TANC2: variants seen among roughly 807,000 people sequenced by gnomAD.
The protein encoded by TANC2 is protein TANC2.
A neutral mutation model predicts 210.5 loss-of-function variants in TANC2; 26 were observed. The observed-to-expected ratio is 0.12, with a 90% CI of 0.09 to 0.17. The LOEUF (loss-of-function observed/expected upper bound fraction) is 0.17, where lower values mean the gene tolerates loss of function less well. Among genes scored for constraint, TANC2 ranks in the 10% least tolerant of loss-of-function variants. The pLI is 1.00. For missense variants in TANC2, 2,129 were observed against 2,608.9 expected (o/e 0.82, Z 4.01); for synonymous variants, 931 against 967.1 (o/e 0.96, Z 0.69).
At chr17:63,253,947 G>T (rs1357626155) in intron 8 of TANC2, among the ~76,000 whole-genome samples, 1 of 151,974 alleles carries the variant, frequency 6.6e-6, no homozygotes, top group Non-Finnish European at 1.5e-5. Flanking sequence ...TGTGCCTGCT[G>T]CTTGGGATGG....
intron 15 of TANC2, among the ~76,000 whole-genome samples, chr17:63,386,695 C>A (rs542664916): frequency 7.9e-5 from 12 of 151,834 alleles, no homozygotes; most frequent in African/African-American, 2.9e-4. Flanking sequence ...ATAATAAACA[C>A]TAATGTGTTA....
chr17:63,362,477 C>T (rs1418233215), intron 14 of TANC2, among the ~76,000 whole-genome samples: 2 of 152,202 alleles, frequency 1.3e-5, no homozygotes, highest in African/African-American at 4.8e-5. Context: ...CTCCTGCCAC[C>T]ATCAATCATG....
At chr17:63,048,459 C>T (rs1053384680) in intron 2 of TANC2, among the ~76,000 whole-genome samples, 4 of 151,994 alleles carry the variant, frequency 2.6e-5, no homozygotes, top group Non-Finnish European at 4.4e-5. Context: ...GTCTTTAATC[C>T]ATCTTGATTT....
At chr17:63,077,790 G>A (rs2036624174) in intron 3 of TANC2, among the ~76,000 whole-genome samples, 1 of 152,122 alleles carries the variant, frequency 6.6e-6, no homozygotes, top group South Asian at 2.1e-4. Context: ...ACTTAATTAT[G>A]TGGTACAAAT....
At chr17:63,193,789 T>C (rs1293019391) in intron 5 of TANC2, 2 of 514,636 alleles carry the variant, frequency 3.9e-6, no homozygotes, top group East Asian at 7.1e-5. Flanking sequence ...CCTGGCTCAT[T>C]TTTATTTGAT....
At chr17:63,311,775 A>G (rs1228749367) in intron 9 of TANC2, among the ~76,000 whole-genome samples, 1 of 152,276 alleles carries the variant, frequency 6.6e-6, no homozygotes, top group Non-Finnish European at 1.5e-5. Context: ...TATCCATACA[A>G]TGGAATATTA....
At chr17:62,971,416 G>A (rs1017340412) in intron 1 of TANC2, among the ~76,000 whole-genome samples, 8 of 152,134 alleles carry the variant, frequency 5.3e-5, no homozygotes, top group African/African-American at 1.2e-4. Flanking sequence ...TGCAGCCTAC[G>A]TCTCCTGGGC....
At chr17:62,983,066 A>G (rs2032383832) in intron 1 of TANC2, among the ~76,000 whole-genome samples, 2 of 151,594 alleles carry the variant, frequency 1.3e-5, no homozygotes. Flanking sequence ...TCATTTTAAC[A>G]CTCTTCTTCC....
At chr17:63,278,827 C>G (rs1234977180) in intron 9 of TANC2, among the ~76,000 whole-genome samples, 1 of 152,036 alleles carries the variant, frequency 6.6e-6, no homozygotes, top group East Asian at 1.9e-4. Context: ...GAACATTCTG[C>G]TAAATGAAGT....
In TANC2 at chr17:63,377,900, T is replaced by C. The variant is rs1181724971; in HGVS notation, c.2583-1818T>C. Among the ~76,000 whole-genome samples the C allele has an allele frequency of 4.6e-5, 7 of 152,280 alleles. No individual in the cohort carries two copies. The East Asian group carries it at 1.3e-3, about 29-fold the overall frequency. Reference sequence around the variant, plus strand: ...CTTCACAAGGCAGCAGGAGAGAGAATGAGTGCCAGCCAGGGAAATGCCAGA... The same window carrying C: ...CTTCACAAGGCAGCAGGAGAGAGAACGAGTGCCAGCCAGGGAAATGCCAGA... On this transcript the variant is annotated intron_variant, in intron 14 of 27. Coordinates refer to ENST00000689528, the Ensembl canonical transcript of TANC2.
At chr17:63,065,823 TA>T (rs1409601511) in intron 2 of TANC2, among the ~76,000 whole-genome samples, 3 of 152,220 alleles carry the variant, frequency 2.0e-5, no homozygotes, top group Non-Finnish European at 4.4e-5. Flanking sequence ...GGTTTGCAAA[TA>T]TTTTTTCCAT....
At chr17:63,032,322 G>A (rs2034804369) in intron 2 of TANC2, among the ~76,000 whole-genome samples, 1 of 152,154 alleles carries the variant, frequency 6.6e-6, no homozygotes, top group African/African-American at 2.4e-5. Flanking sequence ...GGACTAGGGT[G>A]TGGCTGAGGT....
intron 9 of TANC2, among the ~76,000 whole-genome samples, chr17:63,307,116 G>T (rs114664400): frequency 6.6e-5 from 10 of 152,262 alleles, no homozygotes; most frequent in Non-Finnish European, 1.5e-4. Context: ...GGTAGGCAGG[G>T]TCCAAATCAT....
chr17:62,995,054 G>A (rs1185552107), intron 1 of TANC2, among the ~76,000 whole-genome samples: 1 of 152,168 alleles, frequency 6.6e-6, no homozygotes, highest in Admixed American at 6.5e-5. Context: ...GGATGAAACG[G>A]TTATCACTTA....
At chr17:63,215,310 C>T (rs1205176734) in intron 7 of TANC2, among the ~76,000 whole-genome samples, 8 of 152,160 alleles carry the variant, frequency 5.3e-5, no homozygotes, top group Admixed American at 2.0e-4. Context: ...TTGACCTAAT[C>T]GTCTTTTATT....
At chr17:63,160,098 A>C (rs1234811715) in intron 5 of TANC2, among the ~76,000 whole-genome samples, 1 of 152,246 alleles carries the variant, frequency 6.6e-6, no homozygotes, top group Non-Finnish European at 1.5e-5. Flanking sequence ...TTATAGGGAC[A>C]CTAATCCTAT....
At chr17:63,271,674 A>G (rs1262166134) in intron 9 of TANC2, among the ~76,000 whole-genome samples, 4 of 131,206 alleles carry the variant, frequency 3.0e-5, no homozygotes, top group East Asian at 2.3e-4. Flanking sequence ...GTGTTCTGCC[A>G]TTGAGCTCTT....
At chr17:63,036,754 A>G (rs991600482) in intron 2 of TANC2, among the ~76,000 whole-genome samples, 1 of 151,194 alleles carries the variant, frequency 6.6e-6, no homozygotes, top group Non-Finnish European at 1.5e-5. Context: ...ATGTCTTTCC[A>G]TTTGTTTAGT....
At chr17:63,190,373 G>A (rs2041143074) in intron 5 of TANC2, among the ~76,000 whole-genome samples, 1 of 152,048 alleles carries the variant, frequency 6.6e-6, no homozygotes, top group Non-Finnish European at 1.5e-5. Context: ...TGACCATAAT[G>A]TAAGAGTATT....
Sources: allele counts gnomAD v4.1 joint callset (sites outside exome capture counted in the v4.1 genomes callset), GRCh38; gene constraint gnomAD v4.1.1; transcripts MANE v1.5; gene names NCBI Gene and HGNC (gene_info 2026-07-23, HGNC 2026-07-21).